Variants in HACE1 observed in about 807,000 individuals in gnomAD.
HACE1 encodes E3 ubiquitin-protein ligase HACE1.
HACE1 carries 73 observed loss-of-function variants against 118.4 expected under a neutral mutation model. The observed-to-expected ratio is 0.62, with a 90% CI of 0.51 to 0.75. The LOEUF (loss-of-function observed/expected upper bound fraction) is 0.75. HACE1 is among the 30% of genes least tolerant of loss of function. The probability of loss-of-function intolerance (pLI) is 0.00; values close to 1 mark genes in which losing one functional copy is unlikely to be tolerated. For synonymous variants in HACE1, 368 were observed against 374.8 expected (o/e 0.98, Z 0.21); for missense variants, 749 against 1,102.2 (o/e 0.68, Z 4.54).
rs571035580 is a variant in HACE1, at chr6:104,737,817, G to T, written c.2513+6343C>A. On this transcript the variant is annotated intron_variant, in intron 22 of 23. Coordinates refer to ENST00000262903, the MANE Select transcript of HACE1 (RefSeq NM_020771.4). ...GCAGCGGGGAAGCCCGAACTGGGTG[G>T]AGCCCACCACAGCTCAAGGAGGCCT... Among the ~76,000 whole-genome samples the T allele has an allele frequency of 3.9e-3, 592 of 152,336 alleles. 5 individuals are homozygous for T. The highest frequency in any genetic ancestry group is 0.014 in the African/African-American group (573 of 41,586).
rs112215701 is a variant in HACE1, at chr6:104,797,193, T to C, written c.618-168A>G. ...CAAAAACTTTCTCAATGTTAAGCCA[T>C]GCTTTCACTACGTAGACCAGAATGT... On this transcript the variant is annotated intron_variant, in intron 7 of 23. Transcript: ENST00000262903. 4.2e-3 allele frequency among the ~76,000 whole-genome samples: 640 copies of C among 152,248 alleles called. 5 individuals carry two copies. The highest frequency in any genetic ancestry group is 6.5e-3 in the Non-Finnish European group (443 of 68,026).
At chr6:104,736,742 TAACA>T (rs1020399406) in intron 22 of HACE1, among the ~76,000 whole-genome samples, 2 of 152,154 alleles carry the variant, frequency 1.3e-5, no homozygotes, top group African/African-American at 4.8e-5. Context: ...TACTTGGCAG[TAACA>T]AACTGCAAGA....
In HACE1 at chr6:104,765,893, T is replaced by A. The variant is rs151043749; in HGVS notation, c.2211+5300A>T. Among the ~76,000 whole-genome samples the A allele has an allele frequency of 7.3e-3, 1,117 of 152,334 alleles. 5 individuals carry two copies. Among genetic ancestry groups the A allele is most frequent in the Middle Eastern group, 0.014 (4 of 294 alleles). ...TATTCTTTTGTTTCTTCAAGTTATA[T>A]AGTGTGGTCATTCCAACACCATACT... is the stretch of plus-strand genomic sequence containing the variant. On this transcript the variant is annotated intron_variant, in intron 19 of 23. Coordinates refer to ENST00000262903, the MANE Select transcript of HACE1 (RefSeq NM_020771.4).
intron 2 of HACE1, 100 bp downstream of exon 2, chr6:104,852,217 G>GTGTC: frequency 1.4e-6 from 1 of 707,354 alleles, no homozygotes; most frequent in South Asian, 1.4e-5. Context: ...GTGTGTGTGT[G>GTGTC]TGTGTGTGTG....
At position 104,777,237 on chromosome 6, in the gene HACE1, C is replaced by G; in HGVS notation, c.1647G>C (p.Val549=). Residue 549 remains valine (V), a synonymous_variant, in exon 15 of 24, where the codon GTG becomes GTC. Transcript: ENST00000262903. The part of the protein sequence containing the change: ...QPDSDMVHRP[V]NENDILLVHR... ...GAACCAGCAGGATATCATTTTCATT[C>G]ACTGGCCTGTGCACCATATCTGAAT... is the stretch of plus-strand genomic sequence containing the variant. The G allele has an allele frequency of 6.2e-7, 1 of 1,613,074 alleles. No individual in the cohort carries two copies. The highest frequency in any genetic ancestry group is 1.3e-5 in the African/African-American group (1 of 75,048).
intron 22 of HACE1, among the ~76,000 whole-genome samples, 187 bp downstream of exon 22, chr6:104,743,973 A>T (rs1777122571): frequency 1.3e-5 from 2 of 152,088 alleles, no homozygotes; most frequent in African/African-American, 4.8e-5. Context: ...AGTAAACATG[A>T]TTGCTCACTA....
intron 5 of HACE1, among the ~76,000 whole-genome samples, chr6:104,835,169 C>T (rs1032292865): frequency 1.3e-5 from 2 of 152,142 alleles, no homozygotes; most frequent in African/African-American, 2.4e-5. Context: ...GTCTAAGAGG[C>T]AAATGTCCAA....
intron 8 of HACE1, 60 bp downstream of exon 8, chr6:104,796,869 T>C: frequency 8.6e-7 from 1 of 1,156,794 alleles, no homozygotes; most frequent in Non-Finnish European, 1.3e-6. Context: ...AATAATAATT[T>C]TTACCATTCC....
chr6:104,737,475 C>G (rs889385905), intron 22 of HACE1, among the ~76,000 whole-genome samples: 1 of 151,952 alleles, frequency 6.6e-6, no homozygotes, highest in Non-Finnish European at 1.5e-5. Context: ...GTGTGCGCAC[C>G]GTGCGCGAGC....
intron 5 of HACE1, among the ~76,000 whole-genome samples, chr6:104,838,764 C>T (rs1203612462): frequency 6.6e-6 from 1 of 151,162 alleles, no homozygotes; most frequent in Non-Finnish European, 1.5e-5. Flanking sequence ...AACACTTTTG[C>T]ACAGGAAAGG....
At chr6:104,806,788 A>G (rs1477660738) in intron 7 of HACE1, among the ~76,000 whole-genome samples, 2 of 152,156 alleles carry the variant, frequency 1.3e-5, no homozygotes, top group Non-Finnish European at 2.9e-5. Flanking sequence ...AGTCAACAAA[A>G]ATTTAACTAA....
chr6:104,767,838 T>TA (rs1287576699), intron 19 of HACE1, among the ~76,000 whole-genome samples: 1 of 152,162 alleles, frequency 6.6e-6, no homozygotes, highest in African/African-American at 2.4e-5. Flanking sequence ...GCTTCACCTC[T>TA]ATAATTCAAC....
At position 104,852,232 on chromosome 6, in the gene HACE1, C is replaced by T. The variant is rs112119485; in HGVS notation, c.131+85G>A. 0.012 allele frequency: 6,249 copies of T among 537,000 alleles called. 264 individuals carry two copies. In the African/African-American group the frequency reaches 0.15, roughly 13 times the overall value. 33.3% of individuals were successfully genotyped at this position (537,000 alleles called of 1,614,324 possible). A position where few individuals can be genotyped will look rare whatever the true frequency, so the allele number is the denominator to read the frequency against. The stretch of plus-strand genomic sequence containing the variant: ...GTGTGTGTGTGTGTGTGTGTGTGCG[C>T]GCGTGCGCGTGCACGGGCATGCAGT... On this transcript the variant is annotated intron_variant, in intron 2 of 23. Transcript: ENST00000262903.
chr6:104,830,900 AG>A (rs1773800486), intron 6 of HACE1, among the ~76,000 whole-genome samples: 1 of 151,562 alleles, frequency 6.6e-6, no homozygotes, highest in Non-Finnish European at 1.5e-5. Context: ...GCATCCTGAG[AG>A]GTCACCATAT....
intron 2 of HACE1, among the ~76,000 whole-genome samples, chr6:104,851,381 C>CT (rs746465158): frequency 1.2e-4 from 19 of 152,228 alleles, no homozygotes; most frequent in Non-Finnish European, 2.4e-4. Context: ...CCCACCCGGC[C>CT]TAGCTATTCT....
rs1229579934 is a variant in HACE1, at chr6:104,730,410, C to T, written c.2520G>A (p.Arg840=). The T allele has an allele frequency of 2.8e-6, 4 of 1,444,846 alleles. No individual in the cohort carries two copies. The highest frequency in any genetic ancestry group is 2.8e-5 in the African/African-American group (2 of 71,648). The allele number at this position is 1,444,846 out of a possible 1,614,324, so 89.5% of individuals were successfully genotyped here. A position where few individuals can be genotyped will look rare whatever the true frequency, so the allele number is the denominator to read the frequency against. ...TATTAGCAAACCCACCATGTGGGACCCTGGAACTAAGAGTTTATATCTTAA... is the reference window on the plus strand; with the variant it reads ...TATTAGCAAACCCACCATGTGGGACTCTGGAACTAAGAGTTTATATCTTAA... ...LLLQFVTGSS[R]VPHGGFANIM... The change falls in exon 23 of 24, where the codon AGG becomes AGA. Residue 840 remains arginine (R), a synonymous_variant. Transcript: ENST00000262903.
chr6:104,734,435 T>A (rs574118306), intron 22 of HACE1, among the ~76,000 whole-genome samples: 12 of 151,796 alleles, frequency 7.9e-5, no homozygotes, highest in African/African-American at 2.9e-4. Flanking sequence ...AGAAAAAAAA[T>A]TTATACTTTT....
chr6:104,741,045 A>C (rs1254763016), intron 22 of HACE1, among the ~76,000 whole-genome samples: 1 of 131,718 alleles, frequency 7.6e-6, no homozygotes, highest in South Asian at 2.4e-4. Context: ...CATAAACAGA[A>C]CCAAAGACAA....
At chr6:104,769,862 A>G (rs1780425987) in intron 19 of HACE1, among the ~76,000 whole-genome samples, 1 of 152,168 alleles carries the variant, frequency 6.6e-6, no homozygotes, top group Non-Finnish European at 1.5e-5. Context: ...TGTACACTAT[A>G]GTATCTTAAG....
Sources: allele counts gnomAD v4.1 joint callset (sites outside exome capture counted in the v4.1 genomes callset), GRCh38; gene constraint gnomAD v4.1.1; transcripts MANE v1.5; gene names NCBI Gene and HGNC (gene_info 2026-07-23, HGNC 2026-07-21).